Variants in SFMBT1 observed in about 807,000 individuals in gnomAD.
SFMBT1 encodes Scm like with four mbt domains 1.
SFMBT1 carries 32 observed loss-of-function variants against 108.7 expected under a neutral mutation model. The ratio of observed to expected loss-of-function variants is 0.29; its 90% CI spans 0.22 to 0.40. SFMBT1 has a LOEUF of 0.40. Among genes scored for constraint, SFMBT1 ranks in the 10% least tolerant of loss-of-function variants. SFMBT1 has a pLI of 1.00. For synonymous variants in SFMBT1, 348 were observed against 369.5 expected, an observed-to-expected ratio of 0.94 and a Z score of 0.67; for missense variants, 816 against 1,059.6, an observed-to-expected ratio of 0.77 and a Z score of 3.19.
chr3:53,011,416 A>G (rs924450678), intron 1 of SFMBT1, among the ~76,000 whole-genome samples: 10 of 152,216 alleles, frequency 6.6e-5, no homozygotes, highest in African/African-American at 2.4e-4. Context: ...CATATAATAC[A>G]TAAAAGTTCT....
At chr3:52,919,418 C>T (rs370481005) in intron 12 of SFMBT1, among the ~76,000 whole-genome samples, 10 of 152,144 alleles carry the variant, frequency 6.6e-5, no homozygotes, top group Admixed American at 2.0e-4. Flanking sequence ...TGAAAGAAGC[C>T]AGTCACACAA....
At chr3:52,969,409 T>C (rs79736614) in intron 1 of SFMBT1, among the ~76,000 whole-genome samples, 151 bp from the exon 2 acceptor site, 3,408 of 152,300 alleles carry the variant, frequency 0.022, 56 homozygotes, top group Non-Finnish European at 0.034. Flanking sequence ...TGATACCTTT[T>C]CTAATTTTGA....
intron 1 of SFMBT1, among the ~76,000 whole-genome samples, chr3:52,976,010 C>CA (rs1166861824): frequency 2.6e-5 from 4 of 151,152 alleles, no homozygotes; most frequent in African/African-American, 4.9e-5. Flanking sequence ...GACTGTGTTC[C>CA]AAAAAAACAA....
intron 1 of SFMBT1, among the ~76,000 whole-genome samples, chr3:53,022,234 G>A (rs893621222): frequency 3.9e-5 from 6 of 152,070 alleles, no homozygotes; most frequent in African/African-American, 1.2e-4. Context: ...CAGATCACTT[G>A]AGCCCAGGAG....
At chr3:52,938,322 GTTAA>G (rs928630953) in intron 4 of SFMBT1, among the ~76,000 whole-genome samples, 70 of 152,176 alleles carry the variant, frequency 4.6e-4, no homozygotes, top group African/African-American at 1.7e-3. Context: ...ATTTCATATT[GTTAA>G]ATGTTATATA....
intron 1 of SFMBT1, among the ~76,000 whole-genome samples, chr3:52,999,835 C>A (rs930149259): frequency 6.7e-6 from 1 of 150,156 alleles, no homozygotes; most frequent in Non-Finnish European, 1.5e-5. Context: ...GACCCCATGA[C>A]CCATGGCATG....
At chr3:52,984,361 T>TA (rs939001536) in intron 1 of SFMBT1, among the ~76,000 whole-genome samples, 4 of 151,932 alleles carry the variant, frequency 2.6e-5, no homozygotes, top group African/African-American at 9.7e-5. Flanking sequence ...TTGAACATCA[T>TA]AAAAAACTTT....
intron 2 of SFMBT1, among the ~76,000 whole-genome samples, chr3:52,955,469 A>G (rs1703748606): frequency 1.3e-5 from 2 of 151,902 alleles, no homozygotes; most frequent in Admixed American, 6.6e-5. Context: ...AGACTAATAA[A>G]GAAGAAAAAA....
chr3:52,940,985 G>C (rs1383997165), intron 4 of SFMBT1, among the ~76,000 whole-genome samples: 4 of 152,132 alleles, frequency 2.6e-5, no homozygotes, highest in Non-Finnish European at 5.9e-5. Context: ...TGGGAAATCT[G>C]ACAGAATGAC....
At chr3:53,007,081 T>C (rs1243090678) in intron 1 of SFMBT1, among the ~76,000 whole-genome samples, 1 of 152,214 alleles carries the variant, frequency 6.6e-6, no homozygotes, top group African/African-American at 2.4e-5. Context: ...ACTAAATATG[T>C]GACAGATGGG....
intron 1 of SFMBT1, among the ~76,000 whole-genome samples, chr3:53,006,478 A>T (rs1698745512): frequency 6.6e-6 from 1 of 151,954 alleles, no homozygotes; most frequent in African/African-American, 2.4e-5. Context: ...AAAATAGAAA[A>T]ATCAGCCGGG....
chr3:53,015,855 T>C (rs539231566), intron 1 of SFMBT1, among the ~76,000 whole-genome samples: 1 of 152,318 alleles, frequency 6.6e-6, no homozygotes, highest in East Asian at 1.9e-4. Flanking sequence ...AATTAGATTA[T>C]CATGATGGTT....
intron 1 of SFMBT1, among the ~76,000 whole-genome samples, chr3:53,022,449 C>CAAAAAAAAAAAAAA (rs34744052): frequency 2.5e-5 from 1 of 40,628 alleles, no homozygotes; most frequent in African/African-American, 6.9e-5. Flanking sequence ...GGTGCTGTCT[C>CAAAAAAAAAAAAAA]AAAAAAAAAA....
chr3:52,944,018 G>A (rs1159026995), intron 3 of SFMBT1, among the ~76,000 whole-genome samples: 1 of 152,046 alleles, frequency 6.6e-6, no homozygotes, highest in African/African-American at 2.4e-5. Context: ...CCATATACAG[G>A]GAGCCATATT....
chr3:52,978,823 T>C (rs1704610871), intron 1 of SFMBT1, among the ~76,000 whole-genome samples: 1 of 152,158 alleles, frequency 6.6e-6, no homozygotes, highest in Non-Finnish European at 1.5e-5. Context: ...AAGGATAACC[T>C]TGAAAATATT....
intron 1 of SFMBT1, among the ~76,000 whole-genome samples, chr3:53,004,882 C>A (rs1319957173): frequency 7.5e-6 from 1 of 132,472 alleles, no homozygotes; most frequent in African/African-American, 2.5e-5. Flanking sequence ...TTTGAGGCTT[C>A]CTTCTTGACA....
chr3:52,974,092 G>T (rs929593003), intron 1 of SFMBT1, among the ~76,000 whole-genome samples: 1 of 152,168 alleles, frequency 6.6e-6, no homozygotes. Flanking sequence ...CTTTTAAAGG[G>T]CTTAGAAAGG....
chr3:53,027,460 T>C (rs983172283), intron 1 of SFMBT1, among the ~76,000 whole-genome samples: 4 of 152,238 alleles, frequency 2.6e-5, no homozygotes, highest in Non-Finnish European at 1.5e-5. Context: ...ATGTCACAGC[T>C]ACTTAGTGTC....
intron 1 of SFMBT1, among the ~76,000 whole-genome samples, chr3:52,999,567 C>T (rs1298374593): frequency 1.3e-5 from 2 of 150,270 alleles, no homozygotes; most frequent in Non-Finnish European, 3.0e-5. Flanking sequence ...GAAGCCACAC[C>T]CTGATGCTAT....
Sources: gnomAD v4.1 joint callset for allele counts (sites outside exome capture counted in the v4.1 genomes callset) on GRCh38, gnomAD v4.1.1 for gene constraint, MANE v1.5 for transcripts, NCBI Gene and HGNC (gene_info 2026-07-23, HGNC 2026-07-21) for gene names.